QNG1: variants seen among roughly 807,000 people sequenced by gnomAD.
QNG1 encodes Q-nucleotide N-glycosylase 1.
At chr9:83,939,591 A>G in the QNG1 span, 1 of 1,614,116 alleles carries the variant, frequency 6.2e-7, no homozygotes, top group Non-Finnish European at 8.5e-7. Context: ...TCCCATAAGT[A>G]ATAATCCAGA....
the QNG1 span, among the ~76,000 whole-genome samples, chr9:83,948,412 C>G: frequency 1.3e-5 from 2 of 150,336 alleles, no homozygotes; most frequent in African/African-American, 2.4e-5. Flanking sequence ...GCAGCCGCCC[C>G]GTCCGGGAGG....
the QNG1 span, among the ~76,000 whole-genome samples, chr9:83,949,962 T>C: frequency 2.0e-5 from 3 of 150,316 alleles, no homozygotes; most frequent in Non-Finnish European, 4.4e-5. Flanking sequence ...TTATAATAGA[T>C]ATAATAATAT....
the QNG1 span, chr9:83,955,717 A>G: frequency 7.2e-7 from 1 of 1,381,548 alleles, no homozygotes. Context: ...TACAACATGG[A>G]ATTAATATGA....
At chr9:83,955,611 C>T in the QNG1 span, 5 of 1,613,928 alleles carry the variant, frequency 3.1e-6, no homozygotes, top group East Asian at 6.7e-5. Context: ...GTCACTGTCG[C>T]GTAGTACGAG....
the QNG1 span, chr9:83,945,109 G>A: frequency 1.2e-6 from 1 of 830,662 alleles, no homozygotes; most frequent in Non-Finnish European, 1.8e-6. Context: ...TTGTTGGTAA[G>A]AATTTATAGA....
the QNG1 span, among the ~76,000 whole-genome samples, chr9:83,947,412 C>T: frequency 2.0e-5 from 3 of 152,190 alleles, no homozygotes; most frequent in Non-Finnish European, 4.4e-5. Context: ...CCTAATATTG[C>T]TTAACCTTAA....
the QNG1 span, chr9:83,939,450 C>A: frequency 1.8e-6 from 2 of 1,116,806 alleles, no homozygotes; most frequent in Non-Finnish European, 2.7e-6. Flanking sequence ...CAAAGCAAAA[C>A]TGTACAGATG....
the QNG1 span, among the ~76,000 whole-genome samples, chr9:83,942,172 G>T: frequency 6.6e-6 from 1 of 152,162 alleles, no homozygotes; most frequent in African/African-American, 2.4e-5. Context: ...GTGGTAATTT[G>T]TTATGTCAGC....
At chr9:83,947,577 C>T in the QNG1 span, among the ~76,000 whole-genome samples, 4 of 152,212 alleles carry the variant, frequency 2.6e-5, no homozygotes, top group Non-Finnish European at 2.9e-5. Flanking sequence ...GAGGCTGGAC[C>T]GTACTGCCGC....
chr9:83,941,177 G>C, the QNG1 span, among the ~76,000 whole-genome samples: 3 of 152,150 alleles, frequency 2.0e-5, no homozygotes, highest in Admixed American at 1.3e-4. Flanking sequence ...CCTGACCCAG[G>C]ATCATAAATG....
the QNG1 span, among the ~76,000 whole-genome samples, chr9:83,945,497 T>C: frequency 6.6e-6 from 1 of 152,194 alleles, no homozygotes; most frequent in African/African-American, 2.4e-5. Context: ...TTCCCATTTT[T>C]CAAGGCACAT....
chr9:83,952,387 C>T, the QNG1 span, among the ~76,000 whole-genome samples: 5 of 152,166 alleles, frequency 3.3e-5, no homozygotes, highest in Admixed American at 6.5e-5. Context: ...TTAGGTCAGG[C>T]GCTGTGGCTC....
At chr9:83,949,095 TAA>T in the QNG1 span, among the ~76,000 whole-genome samples, 7 of 121,114 alleles carry the variant, frequency 5.8e-5, no homozygotes, top group African/African-American at 6.0e-5. Context: ...CAATAAATAC[TAA>T]AAAAAAAAAA....
chr9:83,945,911 A>G, the QNG1 span, among the ~76,000 whole-genome samples: 1 of 152,212 alleles, frequency 6.6e-6, no homozygotes, highest in East Asian at 1.9e-4. Context: ...CCAAGGGCTT[A>G]TTATTTTAAA....
chr9:83,945,788 G>A, the QNG1 span, among the ~76,000 whole-genome samples: 1 of 151,836 alleles, frequency 6.6e-6, no homozygotes. Flanking sequence ...TTTTTTAGAA[G>A]AGACGGGGTT....
the QNG1 span, chr9:83,938,506 T>C: frequency 6.6e-6 from 1 of 152,162 alleles, no homozygotes; most frequent in Non-Finnish European, 1.5e-5. Context: ...CTCTTTTTTA[T>C]ACCAAATGAT....
chr9:83,946,639 C>G, the QNG1 span, among the ~76,000 whole-genome samples: 3 of 152,274 alleles, frequency 2.0e-5, no homozygotes, highest in Non-Finnish European at 4.4e-5. Context: ...GTAATCCCAT[C>G]AATTTGGGAG....
chr9:83,952,029 C>T, the QNG1 span, among the ~76,000 whole-genome samples: 2 of 152,118 alleles, frequency 1.3e-5, no homozygotes, highest in African/African-American at 4.8e-5. Flanking sequence ...CTTGCTCTTC[C>T]AGGCTGGAGT....
chr9:83,943,316 G>A, the QNG1 span, among the ~76,000 whole-genome samples: 2 of 134,008 alleles, frequency 1.5e-5, no homozygotes, highest in Admixed American at 7.8e-5. Flanking sequence ...CTCCAGCTTG[G>A]GCAACAGAGC....
Sources: allele counts gnomAD v4.1 joint callset (sites outside exome capture counted in the v4.1 genomes callset), GRCh38; gene constraint gnomAD v4.1.1; transcripts MANE v1.5; gene names NCBI Gene and HGNC (gene_info 2026-07-23, HGNC 2026-07-21).